Variants in WWOX observed in about 807,000 individuals in gnomAD.
The protein encoded by WWOX is WW domain-containing oxidoreductase.
WWOX carries 69 observed loss-of-function variants against 46.2 expected under a neutral mutation model. The ratio of observed to expected loss-of-function variants is 1.49; its 90% CI spans 1.23 to 1.82. WWOX has a LOEUF of 1.82. WWOX is among the 40% of genes most tolerant of loss of function. The pLI, the probability that WWOX is intolerant of heterozygous loss-of-function variation, is 0.00. For synonymous variants in WWOX, 359 were observed against 202.6 expected, an observed-to-expected ratio of 1.77 and a Z score of -6.56; for missense variants, 919 against 542.6, an observed-to-expected ratio of 1.69 and a Z score of -6.89.
rs556026520 is a variant in WWOX at position 79,042,533 on chromosome 16, A to T, written c.1057-169075A>T. Among the ~76,000 whole-genome samples the T allele has an allele frequency of 1.5e-4, 21 of 141,360 alleles. No homozygotes were observed. In the East Asian group the frequency reaches 3.5e-3, roughly 23 times the overall value. The allele number at this position is 141,360 out of a possible 152,430, so 92.7% of individuals were successfully genotyped here. ...TCATAATGTCTCAAATTACTTACTC[A>T]ATAAAATGTGGGTTTGTCTATTATT... is the stretch of plus-strand genomic sequence containing the variant. On this transcript the variant is annotated intron_variant, in intron 8 of 8. Coordinates refer to ENST00000566780, the MANE Select transcript of WWOX (RefSeq NM_016373.4).
At chr16:78,388,310 C>T (rs1006394357) in intron 6 of WWOX, among the ~76,000 whole-genome samples, 4 of 152,190 alleles carry the variant, frequency 2.6e-5, no homozygotes, top group African/African-American at 7.2e-5. Context: ...GGATTACACA[C>T]ATGAACCACT....
chr16:79,163,795 C>CAAA (rs66922536), intron 8 of WWOX, among the ~76,000 whole-genome samples: 41 of 102,112 alleles, frequency 4.0e-4, no homozygotes, highest in African/African-American at 6.5e-4. Context: ...AACTCCACCT[C>CAAA]AAAAAAAAAA....
chr16:79,131,613 C>G (rs2049879939), intron 8 of WWOX, among the ~76,000 whole-genome samples: 1 of 152,140 alleles, frequency 6.6e-6, no homozygotes, highest in Non-Finnish European at 1.5e-5. Flanking sequence ...TAGTTAAAGT[C>G]ACACTGGAAG....
rs572062931 is a variant in WWOX at position 79,064,379 on chromosome 16, G to A, written c.1057-147229G>A. Among the ~76,000 whole-genome samples the A allele has an allele frequency of 6.3e-4, 96 of 152,296 alleles. 2 individuals are homozygous for A. The highest frequency in any genetic ancestry group is 1.2e-3 in the South Asian group (6 of 4,826). On this transcript the variant is annotated intron_variant, in intron 8 of 8. Transcript: ENST00000566780. Reference sequence around the variant, plus strand: ...TCAGTTTCCTTATCTGTAAAAGTAGGAATAATATCTAGACCTAAAGGTTAT... The same window carrying A: ...TCAGTTTCCTTATCTGTAAAAGTAGAAATAATATCTAGACCTAAAGGTTAT...
At chr16:78,780,547 T>C (rs1306966703) in intron 8 of WWOX, 1 of 151,974 alleles carries the variant, frequency 6.6e-6, no homozygotes, top group African/African-American at 2.4e-5. Context: ...ATAGAAACTG[T>C]GATGAGGGAG....
intron 8 of WWOX, among the ~76,000 whole-genome samples, chr16:79,057,223 C>G (rs1304593362): frequency 6.6e-6 from 1 of 152,142 alleles, no homozygotes; most frequent in Admixed American, 6.6e-5. Flanking sequence ...TTGCCTGGAC[C>G]TCTTTTAGGA....
chr16:79,135,338 T>C (rs2049962785), intron 8 of WWOX, among the ~76,000 whole-genome samples: 1 of 152,218 alleles, frequency 6.6e-6, no homozygotes. Context: ...TCCCATAATT[T>C]TATGGATTAC....
intron 8 of WWOX, among the ~76,000 whole-genome samples, chr16:78,473,862 G>C (rs941733846): frequency 5.3e-5 from 8 of 152,182 alleles, no homozygotes; most frequent in African/African-American, 1.9e-4. Context: ...AGTCCTTGCA[G>C]CACACACGCT....
intron 8 of WWOX, among the ~76,000 whole-genome samples, chr16:78,771,633 A>T (rs1044643967): frequency 6.6e-6 from 1 of 152,028 alleles, no homozygotes; most frequent in Non-Finnish European, 1.5e-5. Context: ...TTGGGCGGGC[A>T]TTGTGGTGGG....
chr16:78,782,238 T>C (rs1597600593), intron 8 of WWOX, among the ~76,000 whole-genome samples: 1 of 152,184 alleles, frequency 6.6e-6, no homozygotes, highest in Non-Finnish European at 1.5e-5. Flanking sequence ...ACTTCTCTGC[T>C]CCTGGCTTCT....
chr16:78,407,269 G>T (rs1381327764), intron 6 of WWOX, among the ~76,000 whole-genome samples: 1 of 152,160 alleles, frequency 6.6e-6, no homozygotes, highest in Admixed American at 6.5e-5. Context: ...GAATTTCAGA[G>T]TATTTCCAAA....
At chr16:78,797,333 T>A in intron 8 of WWOX, among the ~76,000 whole-genome samples, 1 of 120,918 alleles carries the variant, frequency 8.3e-6, no homozygotes, top group African/African-American at 3.3e-5. Context: ...GGACACAAGG[T>A]ATGCAATTTT....
intron 8 of WWOX, among the ~76,000 whole-genome samples, chr16:78,984,520 G>T (rs1265885895): frequency 6.6e-6 from 1 of 152,184 alleles, no homozygotes; most frequent in Non-Finnish European, 1.5e-5. Context: ...ACAAAAACAG[G>T]CAGCAGGCCA....
At chr16:78,158,010 C>G (rs1357815944) in intron 4 of WWOX, among the ~76,000 whole-genome samples, 1 of 152,220 alleles carries the variant, frequency 6.6e-6, no homozygotes, top group Non-Finnish European at 1.5e-5. Context: ...CTGAGTTTCA[C>G]ATGGGTTCAA....
chr16:79,130,690 G>A (rs141339715), intron 8 of WWOX, among the ~76,000 whole-genome samples: 2 of 152,356 alleles, frequency 1.3e-5, no homozygotes, highest in Non-Finnish European at 2.9e-5. Flanking sequence ...TGACTAATTA[G>A]ACCCTAATGA....
intron 8 of WWOX, among the ~76,000 whole-genome samples, chr16:78,973,884 G>A (rs2046520681): frequency 6.6e-6 from 1 of 152,178 alleles, no homozygotes; most frequent in African/African-American, 2.4e-5. Context: ...CTCCAACTAG[G>A]GAAAAATTTG....
chr16:78,162,117 C>G (rs1463650892), intron 4 of WWOX, among the ~76,000 whole-genome samples: 3 of 152,148 alleles, frequency 2.0e-5, no homozygotes, highest in African/African-American at 4.8e-5. Context: ...TAGTGTGGGT[C>G]TATACGTGAC....
At chr16:78,181,155 C>T (rs934017457) in intron 5 of WWOX, among the ~76,000 whole-genome samples, 2 of 151,884 alleles carry the variant, frequency 1.3e-5, no homozygotes, top group Admixed American at 6.6e-5. Context: ...CGCAGACACA[C>T]GAAGGGGAGG....
At chr16:78,407,149 C>A (rs2082568041) in intron 6 of WWOX, among the ~76,000 whole-genome samples, 1 of 152,256 alleles carries the variant, frequency 6.6e-6, no homozygotes, top group East Asian at 1.9e-4. Flanking sequence ...AGGGGTCAAA[C>A]TTAGAATTCT....
Sources: allele counts gnomAD v4.1 joint callset (sites outside exome capture counted in the v4.1 genomes callset), GRCh38; gene constraint gnomAD v4.1.1; transcripts MANE v1.5; gene names NCBI Gene and HGNC (gene_info 2026-07-23, HGNC 2026-07-21).